The following CMSS1 variants were observed in gnomAD, a reference collection of about 807,000 sequenced individuals.
CMSS1 encodes the protein protein CMSS1.
CMSS1 carries 33 observed loss-of-function variants against 43.5 expected under a neutral mutation model. The ratio of observed to expected loss-of-function variants is 0.76; its 90% CI spans 0.57 to 1.01. CMSS1 has a LOEUF of 1.01. Ranked by LOEUF, CMSS1 falls within the 50% of genes least tolerant of loss-of-function variation. The pLI is 0.00. For missense variants in CMSS1, 313 were observed against 326.4 expected, an observed-to-expected ratio of 0.96 and a Z score of 0.32; for synonymous variants, 115 against 117.2, an observed-to-expected ratio of 0.98 and a Z score of 0.12.
intron 1 of CMSS1, among the ~76,000 whole-genome samples, chr3:99,818,744 A>G (rs1353527415): frequency 1.3e-5 from 2 of 152,236 alleles, no homozygotes; most frequent in Non-Finnish European, 2.9e-5. Context: ...TCACAAAGCT[A>G]GCTCCTTTCA....
intron 1 of CMSS1, among the ~76,000 whole-genome samples, chr3:99,976,034 G>A (rs1319437900): frequency 3.3e-5 from 5 of 152,086 alleles, no homozygotes; most frequent in Admixed American, 3.3e-4. Flanking sequence ...ACAGGCATGT[G>A]CCACTATGCC....
chr3:100,063,651 T>A (rs1342581620), intron 1 of CMSS1, among the ~76,000 whole-genome samples: 1 of 152,218 alleles, frequency 6.6e-6, no homozygotes, highest in Non-Finnish European at 1.5e-5. Context: ...TCTGGGGACT[T>A]GACTTTTCAT....
chr3:100,010,773 C>G (rs1206861809), intron 1 of CMSS1, among the ~76,000 whole-genome samples: 3 of 124,190 alleles, frequency 2.4e-5, no homozygotes, highest in African/African-American at 9.3e-5. Context: ...CGCCTCCACG[C>G]CCGGATTTTT....
chr3:100,164,593 T>A (rs1386868184), intron 4 of CMSS1, among the ~76,000 whole-genome samples: 1 of 152,166 alleles, frequency 6.6e-6, no homozygotes, highest in Non-Finnish European at 1.5e-5. Context: ...GTTAAAAAAA[T>A]TAGGCCATTT....
intron 1 of CMSS1, chr3:99,848,246 A>T (rs1469797794): frequency 1.3e-6 from 2 of 1,597,640 alleles, no homozygotes; most frequent in African/African-American, 2.7e-5. Context: ...CAAAAATATC[A>T]GTATGGACTG....
chr3:99,849,370 T>G (rs965955142), intron 1 of CMSS1: 8 of 1,614,098 alleles, frequency 5.0e-6, no homozygotes, highest in Non-Finnish European at 5.1e-6. Flanking sequence ...CTCTAACTCC[T>G]TAGTGAGGTT....
At chr3:99,936,934 TTTTC>T (rs1226628493) in intron 1 of CMSS1, among the ~76,000 whole-genome samples, 5 of 152,166 alleles carry the variant, frequency 3.3e-5, no homozygotes, top group African/African-American at 9.7e-5. Flanking sequence ...GCTTATTTTC[TTTTC>T]TTTCTTTTCT....
intron 1 of CMSS1, among the ~76,000 whole-genome samples, chr3:99,863,823 T>C (rs991746272): frequency 5.9e-5 from 9 of 152,238 alleles, no homozygotes; most frequent in Admixed American, 1.3e-4. Context: ...AGTTTCTTTA[T>C]GAGTACATAA....
chr3:99,878,784 C>T (rs902309368), intron 1 of CMSS1, among the ~76,000 whole-genome samples: 3 of 152,200 alleles, frequency 2.0e-5, no homozygotes, highest in Admixed American at 6.5e-5. Flanking sequence ...TACAAGAGTA[C>T]CCTGGGTGGT....
intron 1 of CMSS1, among the ~76,000 whole-genome samples, chr3:100,000,411 GT>G (rs1709808478): frequency 6.6e-6 from 1 of 152,194 alleles, no homozygotes; most frequent in Non-Finnish European, 1.5e-5. Context: ...GGCAGCTGCT[GT>G]TGTGTGAATG....
chr3:99,824,416 C>T (rs912606096), intron 1 of CMSS1, among the ~76,000 whole-genome samples: 1 of 152,200 alleles, frequency 6.6e-6, no homozygotes, highest in Admixed American at 6.5e-5. Flanking sequence ...AAATTAATTA[C>T]TTTTTCCCAG....
intron 1 of CMSS1, among the ~76,000 whole-genome samples, chr3:99,862,616 TGACAACTACTGAATGTCTCCA>T (rs998648535): frequency 3.3e-5 from 5 of 152,334 alleles, no homozygotes; most frequent in South Asian, 2.1e-4. Context: ...AGCTCAGTTG[TGACAACTACTGAATGTCTCCA>T]GACAACTACT....
chr3:100,155,473 T>G (rs2066963263), intron 2 of CMSS1, among the ~76,000 whole-genome samples: 1 of 152,250 alleles, frequency 6.6e-6, no homozygotes, highest in African/African-American at 2.4e-5. Flanking sequence ...TTAGTTGTTT[T>G]GTTTTGTTTT....
At chr3:99,912,725 T>C (rs1706832142) in intron 1 of CMSS1, among the ~76,000 whole-genome samples, 1 of 152,226 alleles carries the variant, frequency 6.6e-6, no homozygotes, top group African/African-American at 2.4e-5. Context: ...TACATGGATA[T>C]ACCACAGTTT....
At chr3:100,031,535 C>G (rs913822470) in intron 1 of CMSS1, among the ~76,000 whole-genome samples, 4 of 152,004 alleles carry the variant, frequency 2.6e-5, no homozygotes, top group African/African-American at 9.7e-5. Flanking sequence ...CGTTACAGAA[C>G]TAGAAAAGTA....
At chr3:99,825,887 C>G (rs1576490348) in intron 1 of CMSS1, among the ~76,000 whole-genome samples, 2 of 150,458 alleles carry the variant, frequency 1.3e-5, no homozygotes, top group Non-Finnish European at 2.9e-5. Flanking sequence ...AAGCGATTCT[C>G]CTGCCTCAGC....
intron 1 of CMSS1, among the ~76,000 whole-genome samples, chr3:100,106,048 T>C (rs1194114836): frequency 6.6e-6 from 1 of 151,984 alleles, no homozygotes; most frequent in African/African-American, 2.4e-5. Flanking sequence ...CTCCTAGGGG[T>C]TTCAATTAAA....
chr3:99,946,299 T>C (rs1576592345), intron 1 of CMSS1, among the ~76,000 whole-genome samples: 1 of 152,258 alleles, frequency 6.6e-6, no homozygotes, highest in Non-Finnish European at 1.5e-5. Context: ...TATAACTATG[T>C]CTTCACTCAG....
At chr3:100,009,861 C>G (rs1413410280) in intron 1 of CMSS1, among the ~76,000 whole-genome samples, 1 of 152,164 alleles carries the variant, frequency 6.6e-6, no homozygotes, top group African/African-American at 2.4e-5. Context: ...TCAAAACTGA[C>G]CCCTTAAAAT....
Sources: allele counts gnomAD v4.1 joint callset (sites outside exome capture counted in the v4.1 genomes callset), GRCh38; gene constraint gnomAD v4.1.1; transcripts MANE v1.5; gene names NCBI Gene and HGNC (gene_info 2026-07-23, HGNC 2026-07-21).